The following LAMA2 variants were observed in gnomAD, a reference collection of about 807,000 sequenced individuals.
LAMA2 encodes laminin subunit alpha 2.
In LAMA2, 269 loss-of-function variants were observed where a neutral mutation model predicts 364.8. That is an observed-to-expected ratio of 0.74 (90% confidence interval 0.67 to 0.82). LAMA2 has a LOEUF of 0.82. Ranked by LOEUF, LAMA2 falls within the 40% of genes least tolerant of loss-of-function variation. The pLI, the probability that LAMA2 is intolerant of heterozygous loss-of-function variation, is 0.00. For missense variants in LAMA2, 3,807 were observed against 3,873.2 expected, an observed-to-expected ratio of 0.98 and a Z score of 0.45; for synonymous variants, 1,379 against 1,370.6, an observed-to-expected ratio of 1.01 and a Z score of -0.14.
At chr6:129,426,537 A>AT (rs1490309786) in intron 40 of LAMA2, among the ~76,000 whole-genome samples, 1 of 152,054 alleles carries the variant, frequency 6.6e-6, no homozygotes, top group Non-Finnish European at 1.5e-5. Flanking sequence ...AACTGTAGCA[A>AT]TGAGAATTCC....
At chr6:129,272,461 C>A (rs577890830) in intron 17 of LAMA2, among the ~76,000 whole-genome samples, 1 of 152,200 alleles carries the variant, frequency 6.6e-6, no homozygotes, top group Admixed American at 6.5e-5. Flanking sequence ...TGTTATTAAC[C>A]TGCTCAGAGT....
chr6:129,088,773 G>T (rs1452768759), intron 3 of LAMA2, among the ~76,000 whole-genome samples: 1 of 151,856 alleles, frequency 6.6e-6, no homozygotes, highest in Non-Finnish European at 1.5e-5. Flanking sequence ...GGGCAGAGAC[G>T]CTCCTCACTT....
At chr6:129,061,905 G>C (rs1463915624) in intron 3 of LAMA2, among the ~76,000 whole-genome samples, 3 of 152,234 alleles carry the variant, frequency 2.0e-5, no homozygotes, top group Non-Finnish European at 4.4e-5. Context: ...TCTATTTCCT[G>C]AAAATCAACC....
chr6:129,046,832 TC>T (rs1787543994), intron 1 of LAMA2, among the ~76,000 whole-genome samples: 1 of 152,172 alleles, frequency 6.6e-6, no homozygotes, highest in South Asian at 2.1e-4. Context: ...TTCTTCATTT[TC>T]CCTAACAGAT....
chr6:129,272,198 A>C (rs1014688673), intron 17 of LAMA2, among the ~76,000 whole-genome samples: 2 of 152,178 alleles, frequency 1.3e-5, no homozygotes, highest in African/African-American at 4.8e-5. Context: ...GTATAGATTA[A>C]GAAATGAAGG....
chr6:128,981,123 A>G (rs1195232726), intron 1 of LAMA2, among the ~76,000 whole-genome samples: 1 of 152,066 alleles, frequency 6.6e-6, no homozygotes, highest in African/African-American at 2.4e-5. Flanking sequence ...CCTCACAGTC[A>G]CACTTAATTA....
intron 29 of LAMA2, among the ~76,000 whole-genome samples, chr6:129,331,773 C>T (rs1402745143): frequency 6.6e-6 from 1 of 152,118 alleles, no homozygotes; most frequent in Non-Finnish European, 1.5e-5. Flanking sequence ...TATAATTTCT[C>T]TTCATCCATT....
intron 24 of LAMA2, 140 bp downstream of exon 24, chr6:129,314,938 G>A: frequency 1.2e-6 from 1 of 814,338 alleles, no homozygotes; most frequent in Non-Finnish European, 2.1e-6. Context: ...GAACAGCAAA[G>A]GGGTCACGTG....
At position 129,505,190 on chromosome 6, in the gene LAMA2, T is replaced by C. The variant is rs113644365; in HGVS notation, c.8548-10T>C. On this transcript the variant is annotated splice_polypyrimidine_tract_variant and intron_variant, in intron 60 of 64. Transcript: ENST00000421865. ...AGGATTGGCATTAATGACTCCTTTC[T>C]TTTTTGTAGATTAAGATAATGAGAA... 18,904 of 1,612,462 alleles carry C rather than the reference T, an allele frequency of 0.012. 148 individuals are homozygous for C. Among genetic ancestry groups the C allele is most frequent in the Non-Finnish European group, 0.014 (16,724 of 1,178,524 alleles).
At chr6:129,129,890 C>G (rs575715880) in intron 4 of LAMA2, among the ~76,000 whole-genome samples, 200 of 144,390 alleles carry the variant, frequency 1.4e-3, no homozygotes, top group African/African-American at 4.9e-3. Flanking sequence ...CGCCACTGCA[C>G]TCCAGCCTGG....
chr6:129,157,140 C>T (rs1432063174), intron 8 of LAMA2, among the ~76,000 whole-genome samples: 5 of 152,136 alleles, frequency 3.3e-5, no homozygotes, highest in African/African-American at 1.2e-4. Context: ...TCTATTTCTC[C>T]AACTCTGCTG....
At chr6:129,333,504 G>A (rs1262251199) in intron 29 of LAMA2, among the ~76,000 whole-genome samples, 1 of 152,128 alleles carries the variant, frequency 6.6e-6, no homozygotes, top group East Asian at 1.9e-4. Flanking sequence ...GAGTGGGAAT[G>A]TAGATGCATT....
intron 40 of LAMA2, among the ~76,000 whole-genome samples, chr6:129,419,745 G>A (rs1037839166): frequency 6.6e-6 from 1 of 152,086 alleles, no homozygotes; most frequent in East Asian, 1.9e-4. Flanking sequence ...GTGCTCAGCT[G>A]CTTTCAATCT....
chr6:129,247,267 T>G (rs1379911675), intron 12 of LAMA2, among the ~76,000 whole-genome samples: 1 of 151,978 alleles, frequency 6.6e-6, no homozygotes, highest in Non-Finnish European at 1.5e-5. Flanking sequence ...CTGGCCAACA[T>G]GGCGAAATCC....
At chr6:128,957,234 A>T (rs1781208829) in intron 1 of LAMA2, among the ~76,000 whole-genome samples, 1 of 152,126 alleles carries the variant, frequency 6.6e-6, no homozygotes. Context: ...TTTGGACTCC[A>T]GTACTATTCT....
At chr6:129,510,118 C>T (rs1336811968) in intron 62 of LAMA2, among the ~76,000 whole-genome samples, 1 of 152,094 alleles carries the variant, frequency 6.6e-6, no homozygotes, top group Non-Finnish European at 1.5e-5. Context: ...GAAGTCCTAG[C>T]TAGAGCAGTC....
In LAMA2 at chr6:129,024,768, G is replaced by T. The variant is rs561011335; in HGVS notation, c.113-25150G>T. Among the ~76,000 whole-genome samples the T allele has an allele frequency of 2.0e-5, 3 of 152,142 alleles. No homozygotes were observed. In the South Asian group the frequency reaches 6.2e-4, roughly 32 times the overall value. ...TAGCTACCCAGTTTTTGATTAGGCA[G>T]AAGTATGCTTATGGTCAGTCAGAGT... On this transcript the variant is annotated intron_variant, in intron 1 of 64. Transcript: ENST00000421865.
intron 15 of LAMA2, among the ~76,000 whole-genome samples, chr6:129,263,290 G>A (rs552717230): frequency 2.6e-5 from 4 of 152,214 alleles, no homozygotes; most frequent in East Asian, 1.9e-4. Context: ...TGGCATTAAC[G>A]ATATGCCAGA....
chr6:128,940,677 C>T (rs148293106), intron 1 of LAMA2, among the ~76,000 whole-genome samples: 28 of 152,214 alleles, frequency 1.8e-4, no homozygotes, highest in Non-Finnish European at 2.2e-4. Flanking sequence ...TAAAGCTGGA[C>T]GTGGTAGCTC....
Sources: gnomAD v4.1 joint callset for allele counts (sites outside exome capture counted in the v4.1 genomes callset) on GRCh38, gnomAD v4.1.1 for gene constraint, MANE v1.5 for transcripts, NCBI Gene and HGNC (gene_info 2026-07-23, HGNC 2026-07-21) for gene names.